The following SCRIB variants were observed in gnomAD, a reference collection of about 807,000 sequenced individuals.
The protein encoded by SCRIB is scribble planar cell polarity protein, also known as protein scribble homolog.
In SCRIB, 72 loss-of-function variants were observed where a neutral mutation model predicts 170.0. That is an observed-to-expected ratio of 0.42 (90% CI 0.35 to 0.52). The LOEUF (loss-of-function observed/expected upper bound fraction) is 0.52, where lower values mean the gene tolerates loss of function less well. Among genes scored for constraint, SCRIB ranks in the 20% least tolerant of loss-of-function variants. SCRIB has a pLI of 0.02. For missense variants in SCRIB, 2,475 were observed against 2,338.5 expected (o/e 1.06, Z -1.20); for synonymous variants, 1,298 against 1,044.3 (o/e 1.24, Z -4.68).
At chr8:143,793,857 C>T in intron 28 of SCRIB, 43 bp downstream of exon 28, 2 of 1,600,226 alleles carry the variant, frequency 1.2e-6, no homozygotes, top group Non-Finnish European at 1.7e-6. Context: ...CTGCCCTGCC[C>T]TCCACCCACC....
At chr8:143,801,886 C>T (rs376401230) in intron 24 of SCRIB, among the ~76,000 whole-genome samples, 1 of 152,226 alleles carries the variant, frequency 6.6e-6, no homozygotes, top group African/African-American at 2.4e-5. Flanking sequence ...CCTCCTATAC[C>T]GACATGTCAC....
rs1814771615 is a variant in SCRIB at position 143,792,990 on chromosome 8, C to T, written c.4003G>A (p.Asp1335Asn). Reference sequence around the variant, plus strand: ...CCCCCACACACCTGGGCAGGGGCATCCTCAGGCGGGTGAGAAGTGGGCACG... The same window carrying T: ...CCCCCACACACCTGGGCAGGGGCATTCTCAGGCGGGTGAGAAGTGGGCACG... ...AAVPTSHPPE[D>N]APAQPPTPGP... Residue 1335 changes from aspartate (D) to asparagine (N), a missense_variant, in exon 29 of 37, where the codon GAT becomes AAT. Around this residue, in one of 3 missense-constraint regions of SCRIB, gnomAD observed 1,966 missense variants for 1,742.9 expected, o/e 1.13. Transcript: ENST00000356994. The T allele has an allele frequency of 2.6e-6, 4 of 1,511,854 alleles. No individual in the cohort carries two copies. In the South Asian group the frequency reaches 3.8e-5, roughly 14 times the overall value. The allele number at this position is 1,511,854 out of a possible 1,614,324, so 93.7% of individuals were successfully genotyped here.
At chr8:143,793,348 A>T in intron 28 of SCRIB, 8 of 321,390 alleles carry the variant, frequency 2.5e-5, no homozygotes, top group Admixed American at 4.8e-5. Context: ...TGTCTAAAAA[A>T]GGCAGGTGGG....
intron 24 of SCRIB, among the ~76,000 whole-genome samples, chr8:143,798,177 A>ACCCT (rs1468670330): frequency 1.3e-5 from 2 of 151,822 alleles, no homozygotes; most frequent in African/African-American, 2.4e-5. Flanking sequence ...AATCGCTTGA[A>ACCCT]CCCGGGAGGT....
At chr8:143,793,835 C>T in intron 28 of SCRIB, 65 bp downstream of exon 28, 1 of 1,525,906 alleles carries the variant, frequency 6.6e-7, no homozygotes, top group Non-Finnish European at 9.0e-7. Flanking sequence ...GGGCCCTGTG[C>T]ACAGCGGCCA....
chr8:143,809,470 C>A, intron 14 of SCRIB, 81 bp downstream of exon 14: 1 of 1,491,666 alleles, frequency 6.7e-7, no homozygotes, highest in African/African-American at 1.4e-5. Context: ...GCACCAAAAC[C>A]GATCCCAGCT....
chr8:143,811,307 G>T lies in SCRIB; in HGVS notation c.945C>A (p.Thr315=). ...PRSLGKLTKL[T]NLNVDRNHLE... ...GGTGGTTCCGGTCCACGTTGAGGTT[G>T]GTCAGCTTAGTCAGCTTTCCCAGGG... is the stretch of plus-strand genomic sequence containing the variant. The change falls in exon 10 of 37, where the codon ACC becomes ACA. Residue 315 remains threonine (T), a synonymous_variant. Coordinates refer to ENST00000356994, the MANE Select transcript of SCRIB (RefSeq NM_182706.5). The T allele has an allele frequency of 6.2e-7, 1 of 1,612,862 alleles. No homozygotes were observed. Among genetic ancestry groups the T allele is most frequent in the African/African-American group, 1.3e-5 (1 of 75,040 alleles).
intron 9 of SCRIB, 48 bp from the exon 10 acceptor site, chr8:143,811,393 G>T: frequency 6.4e-7 from 1 of 1,554,186 alleles, no homozygotes; most frequent in Non-Finnish European, 8.8e-7. Flanking sequence ...TGCTGGGGGT[G>T]GGAAGGAGAT....
chr8:143,813,580 G>A (rs1281279804), intron 4 of SCRIB, 54 bp from the exon 5 acceptor site: 38 of 1,612,226 alleles, frequency 2.4e-5, no homozygotes, highest in Non-Finnish European at 2.9e-5. Flanking sequence ...TGGCAGCAGG[G>A]GCAGGGCCAA....
At chr8:143,791,832 CATG>C (rs782137597) in intron 34 of SCRIB, 41 bp downstream of exon 34, 4 of 1,526,926 alleles carry the variant, frequency 2.6e-6, no homozygotes, top group Admixed American at 4.0e-5. Context: ...ACCCCACCCC[CATG>C]CCTCGGGGGT....
chr8:143,808,865 G>T lies in SCRIB; in HGVS notation c.1859C>A (p.Pro620His), dbSNP rs763238830. 6 of 1,610,206 alleles carry T rather than the reference G, an allele frequency of 3.7e-6. No individual in the cohort carries two copies. The highest frequency in any genetic ancestry group is 5.1e-6 in the Non-Finnish European group (6 of 1,179,928). The change falls in exon 15 of 37, where the codon CCC becomes CAC. Residue 620 changes from proline (P) to histidine (H), a missense_variant. Physicochemically the swap from Pro to His is moderately conservative, Grantham distance 77. Around this residue, in one of 3 missense-constraint regions of SCRIB, gnomAD observed 1,966 missense variants for 1,742.9 expected, o/e 1.13. Coordinates refer to ENST00000356994, the MANE Select transcript of SCRIB (RefSeq NM_182706.5). Reference protein sequence around the residue: ...YKKHFKISKLPQPEAVVALLQ... With the variant: ...YKKHFKISKLHQPEAVVALLQ... ...CAGAGCCACAACGGCCTCGGGCTGG[G>T]GCAGCTTGGAGATCTTGAAGTGCTT...
At chr8:143,806,846 G>T in intron 17 of SCRIB, 78 bp downstream of exon 17, 2 of 1,029,720 alleles carry the variant, frequency 1.9e-6, no homozygotes, top group Non-Finnish European at 2.9e-6. Context: ...CTCAGGGCAA[G>T]GGGCCTGTGT....
At chr8:143,793,983 TG>T in intron 27 of SCRIB, 21 bp from the exon 28 acceptor site, 1 of 1,610,468 alleles carries the variant, frequency 6.2e-7, no homozygotes, top group Non-Finnish European at 8.5e-7. Flanking sequence ...AGGCAGTGGG[TG>T]GGGTGAGGAT....
chr8:143,805,141 C>G lies in SCRIB; in HGVS notation c.2641G>C (p.Gly881Arg), dbSNP rs782017480. 1 of 1,582,500 alleles carries G rather than the reference C, an allele frequency of 6.3e-7. No homozygotes were observed. The stretch of plus-strand genomic sequence containing the variant: ...TCACCAGCCCTGTAGGGTGTGGAGC[C>G]TTTCCCACCAGCAATGCTGAAGCCC... ...GLGFSIAGGK[G>R]STPYRAGDAG... The change falls in exon 19 of 37, where the codon GGC becomes CGC. Residue 881 changes from glycine (G) to arginine (R), a missense_variant. By Grantham distance (125) the Gly-to-Arg change is moderately radical. Around this residue, in one of 3 missense-constraint regions of SCRIB, gnomAD observed 1,966 missense variants for 1,742.9 expected, o/e 1.13. Transcript: ENST00000356994.
At chr8:143,808,534 T>C in intron 15 of SCRIB, 75 bp downstream of exon 15, 2 of 1,484,096 alleles carry the variant, frequency 1.3e-6, no homozygotes, top group Middle Eastern at 1.9e-4. Context: ...GCCTCGGCCC[T>C]GCTCCTGCCG....
Position 143,812,779 on chromosome 8 carries a change from T to A in SCRIB, c.787+38A>T, listed in dbSNP as rs1390210011. 3.1e-6 allele frequency: 5 copies of A among 1,587,786 alleles called. No homozygotes were observed. The African/African-American group carries it at 5.4e-5, about 17-fold the overall frequency. ...CCCCACGCTCCTCCCAGGGCCAGGC[T>A]CCGTGTGCCCCACCCAGGCACCCCC... On this transcript the variant is annotated intron_variant, in intron 8 of 36. Transcript: ENST00000356994.
rs782208683 is a variant in SCRIB, at chr8:143,793,091, G to A, written c.3910-8C>T. 1.5e-5 allele frequency: 22 copies of A among 1,431,980 alleles called. No individual in the cohort carries two copies. In the African/African-American group the frequency reaches 2.6e-4, roughly 17 times the overall value. 88.7% of individuals were successfully genotyped at this position (1,431,980 alleles called of 1,614,324 possible). On this transcript the variant is annotated splice_region_variant and splice_polypyrimidine_tract_variant and intron_variant, in intron 28 of 36. Transcript: ENST00000356994. Reference sequence around the variant, plus strand: ...AGAAGGCGGGGAGGGCGGCTGGGGGGTGGGGCTCTTGTGAGCTATGCTGGG... The same window carrying A: ...AGAAGGCGGGGAGGGCGGCTGGGGGATGGGGCTCTTGTGAGCTATGCTGGG...
intron 1 of SCRIB, 61 bp downstream of exon 1, chr8:143,815,153 C>T: frequency 6.9e-7 from 1 of 1,448,132 alleles, no homozygotes; most frequent in Non-Finnish European, 9.1e-7. Flanking sequence ...CAGATTCTGC[C>T]GCCGGAGGAA....
At position 143,803,442 on chromosome 8, in the gene SCRIB, C is replaced by T. The variant is rs998310223; in HGVS notation, c.3544G>A (p.Asp1182Asn). Residue 1182 changes from aspartate (D) to asparagine (N), a missense_variant, in exon 24 of 37, where the codon GAC becomes AAC. By Grantham distance (23) the Asp-to-Asn change is conservative (BLOSUM62 1). Around this residue, in one of 3 missense-constraint regions of SCRIB, gnomAD observed 1,966 missense variants for 1,742.9 expected, o/e 1.13. Transcript: ENST00000356994. ...TCACAGACCAGCACGGTGAGGGTGTCGCCCACACTGCGGAGCAGCTGCACC... is the reference window on the plus strand; with the variant it reads ...TCACAGACCAGCACGGTGAGGGTGTTGCCCACACTGCGGAGCAGCTGCACC... The part of the protein sequence containing the change: ...EAVQLLRSVG[D>N]TLTVLVCDGF... 37 of 1,596,784 alleles carry T rather than the reference C, an allele frequency of 2.3e-5. No individual in the cohort carries two copies. Among genetic ancestry groups the T allele is most frequent in the South Asian group, 5.5e-5 (5 of 90,260 alleles).
Sources: allele counts gnomAD v4.1 joint callset (sites outside exome capture counted in the v4.1 genomes callset), GRCh38; gene constraint gnomAD v4.1.1; regional missense constraint gnomAD v4.1.1; transcripts MANE v1.5; gene names NCBI Gene and HGNC (gene_info 2026-07-23, HGNC 2026-07-21).